The following BCAR3 variants were observed in gnomAD, a reference collection of about 807,000 sequenced individuals.
BCAR3 encodes the protein BCAR3 adaptor protein, NSP family member.
A neutral mutation model predicts 80.1 loss-of-function variants in BCAR3; 37 were observed. That is an observed-to-expected ratio of 0.46 (90% CI 0.36 to 0.61). BCAR3 has a LOEUF of 0.61. BCAR3 is among the 20% of genes least tolerant of loss of function. The pLI is 0.00. For synonymous variants in BCAR3, 389 were observed against 418.9 expected (o/e 0.93, Z 0.87); for missense variants, 978 against 1,068.2 (o/e 0.92, Z 1.18).
chr1:93,712,996 C>T (rs568823555), intron 2 of BCAR3, among the ~76,000 whole-genome samples: 1 of 152,194 alleles, frequency 6.6e-6, no homozygotes, highest in Non-Finnish European at 1.5e-5. Context: ...TTTCATCTTC[C>T]TTTTTCTCTA....
intron 2 of BCAR3, among the ~76,000 whole-genome samples, chr1:93,841,193 TG>T (rs1654948529): frequency 6.6e-6 from 1 of 152,198 alleles, no homozygotes; most frequent in Non-Finnish European, 1.5e-5. Context: ...TCCGGATCTT[TG>T]CCCCACTGAC....
chr1:93,805,879 C>T (rs530179006), intron 2 of BCAR3, among the ~76,000 whole-genome samples: 1 of 152,032 alleles, frequency 6.6e-6, no homozygotes, highest in South Asian at 2.1e-4. Flanking sequence ...AAATATGTCA[C>T]AGTGGCAAAA....
At chr1:93,761,374 C>A (rs1367836729) in intron 2 of BCAR3, among the ~76,000 whole-genome samples, 2 of 152,306 alleles carry the variant, frequency 1.3e-5, no homozygotes, top group East Asian at 3.9e-4. Flanking sequence ...GAAGCTCCAA[C>A]CCTGCTTCTG....
Position 93,812,571 on chromosome 1 carries a change from C to T in BCAR3, c.-63+32996G>A, listed in dbSNP as rs193102116. Among the ~76,000 whole-genome samples the T allele has an allele frequency of 2.2e-3, 331 of 152,298 alleles. 1 individual carries two copies. The highest frequency in any genetic ancestry group is 7.5e-3 in the African/African-American group (312 of 41,554). On this transcript the variant is annotated intron_variant, in intron 2 of 13. Transcript: ENST00000370244. ...TCTAGGTCTTTGCTTCCTTAGAAGG[C>T]CCTCCTCTACCCCAGCTCCTCTGAA...
chr1:93,582,455 G>A lies in BCAR3; in HGVS notation c.1532C>T (p.Thr511Ile). ...KGEFVTPLLE[T>I]VSSFRPNEFE... ...CTCGTTGGGCCTGAAGGAGGAGACAGTCTCCAGGAGGGGCGTCACAAACTC... is the reference window on the plus strand; with the variant it reads ...CTCGTTGGGCCTGAAGGAGGAGACAATCTCCAGGAGGGGCGTCACAAACTC... Residue 511 changes from threonine (T) to isoleucine (I), a missense_variant, in exon 7 of 12, where the codon ACT (threonine) becomes ATT (isoleucine). Coordinates refer to ENST00000260502, the MANE Select transcript of BCAR3 (RefSeq NM_003567.4). The A allele has an allele frequency of 6.2e-7, 1 of 1,614,206 alleles. No homozygotes were observed. The highest frequency in any genetic ancestry group is 8.5e-7 in the Non-Finnish European group (1 of 1,180,030).
chr1:93,595,670 A>C (rs1674390635), intron 3 of BCAR3, among the ~76,000 whole-genome samples: 1 of 152,176 alleles, frequency 6.6e-6, no homozygotes, highest in Non-Finnish European at 1.5e-5. Context: ...CCCAACTGTG[A>C]TTTTGCCACT....
intron 2 of BCAR3, among the ~76,000 whole-genome samples, chr1:93,774,597 A>C (rs1383468364): frequency 6.6e-6 from 1 of 152,094 alleles, no homozygotes; most frequent in Admixed American, 6.5e-5. Context: ...GAGACAGTTG[A>C]CCATCACCCA....
intron 2 of BCAR3, among the ~76,000 whole-genome samples, chr1:93,805,161 C>T (rs896261043): frequency 6.6e-6 from 1 of 152,144 alleles, no homozygotes; most frequent in Non-Finnish European, 1.5e-5. Context: ...AATCTTCTAG[C>T]TCAGGAATTA....
At chr1:93,726,716 G>A (rs1002385198) in intron 2 of BCAR3, among the ~76,000 whole-genome samples, 2 of 152,204 alleles carry the variant, frequency 1.3e-5, no homozygotes, top group Admixed American at 6.5e-5. Flanking sequence ...GCATAAAGTC[G>A]TGGTTCATCG....
chr1:93,758,429 A>G (rs950400085), intron 2 of BCAR3, among the ~76,000 whole-genome samples: 2 of 152,196 alleles, frequency 1.3e-5, no homozygotes, highest in Admixed American at 6.5e-5. Context: ...CATCTTGTAG[A>G]TGGAGCCCAG....
chr1:93,562,431 A>C lies in BCAR3; in HGVS notation c.2300-12T>G. On this transcript the variant is annotated splice_polypyrimidine_tract_variant and intron_variant, in intron 11 of 11. Transcript: ENST00000260502. ...ATCTGGTTGAAAACCTAATGAAACAAAATAAACAAAAAGTTACTTCAGTTC... is the reference window on the plus strand; with the variant it reads ...ATCTGGTTGAAAACCTAATGAAACACAATAAACAAAAAGTTACTTCAGTTC... 1 of 1,611,162 alleles carries C rather than the reference A, an allele frequency of 6.2e-7. No individual in the cohort carries two copies. Among genetic ancestry groups the C allele is most frequent in the Non-Finnish European group, 8.5e-7 (1 of 1,178,434 alleles).
At chr1:93,829,171 G>C (rs187051110) in intron 2 of BCAR3, among the ~76,000 whole-genome samples, 1 of 152,246 alleles carries the variant, frequency 6.6e-6, no homozygotes, top group East Asian at 1.9e-4. Flanking sequence ...GGCGGTGACT[G>C]ATTTACTTAG....
intron 2 of BCAR3, among the ~76,000 whole-genome samples, chr1:93,776,159 T>A (rs1242431689): frequency 3.3e-5 from 5 of 152,190 alleles, no homozygotes; most frequent in Non-Finnish European, 7.4e-5. Context: ...TCCTCAGCAG[T>A]ATCTGGTAGG....
intron 2 of BCAR3, among the ~76,000 whole-genome samples, chr1:93,746,634 A>G (rs1298702510): frequency 6.6e-6 from 1 of 152,168 alleles, no homozygotes; most frequent in African/African-American, 2.4e-5. Context: ...AAGGCGCCCC[A>G]GGCTCAAAAA....
At chr1:93,662,469 A>ATTT (rs1647710323) in intron 2 of BCAR3, among the ~76,000 whole-genome samples, 3 of 151,894 alleles carry the variant, frequency 2.0e-5, no homozygotes, top group African/African-American at 7.3e-5. Flanking sequence ...TTTTTTTTTA[A>ATTT]AAAAAAATCT....
chr1:93,566,889 A>G (rs1333208092), intron 11 of BCAR3, among the ~76,000 whole-genome samples: 1 of 151,972 alleles, frequency 6.6e-6, no homozygotes, highest in African/African-American at 2.4e-5. Context: ...CATCACGCCC[A>G]GCTAATTTTT....
At chr1:93,610,628 A>G (rs1044079844) in intron 3 of BCAR3, among the ~76,000 whole-genome samples, 1 of 152,170 alleles carries the variant, frequency 6.6e-6, no homozygotes, top group Non-Finnish European at 1.5e-5. Flanking sequence ...TTAGGCGTCA[A>G]TTGTCTTAAT....
At chr1:93,828,325 C>T (rs966197419) in intron 2 of BCAR3, among the ~76,000 whole-genome samples, 2 of 152,110 alleles carry the variant, frequency 1.3e-5, no homozygotes, top group Non-Finnish European at 2.9e-5. Flanking sequence ...ATCATAATTC[C>T]TCTTCCCCAA....
chr1:93,695,372 C>T (rs1043984172), intron 3 of BCAR3, among the ~76,000 whole-genome samples: 1 of 152,202 alleles, frequency 6.6e-6, no homozygotes, highest in Non-Finnish European at 1.5e-5. Context: ...CCAACTCCCA[C>T]TCCTTTTCCC....
Sources: allele counts gnomAD v4.1 joint callset (sites outside exome capture counted in the v4.1 genomes callset), GRCh38; gene constraint gnomAD v4.1.1; transcripts MANE v1.5; gene names NCBI Gene and HGNC (gene_info 2026-07-23, HGNC 2026-07-21).